Variants in ABTB3 observed in about 807,000 individuals in gnomAD.
ABTB3 encodes ankyrin repeat and BTB domain containing 3.
chr12:107,621,124 T>TC, the ABTB3 span, among the ~76,000 whole-genome samples: 2 of 152,194 alleles, frequency 1.3e-5, no homozygotes, highest in South Asian at 4.1e-4. Context: ...CAACACAGCA[T>TC]CTCTGCTTTC....
At chr12:107,490,174 G>A in the ABTB3 span, among the ~76,000 whole-genome samples, 2 of 152,088 alleles carry the variant, frequency 1.3e-5, no homozygotes, top group Non-Finnish European at 2.9e-5. Flanking sequence ...AATGTGCACT[G>A]GCTGTTGTTT....
the ABTB3 span, among the ~76,000 whole-genome samples, chr12:107,610,565 T>C: frequency 6.6e-6 from 1 of 152,196 alleles, no homozygotes; most frequent in Non-Finnish European, 1.5e-5. Flanking sequence ...AAGTAGCACA[T>C]GATCATTGCA....
the ABTB3 span, among the ~76,000 whole-genome samples, chr12:107,415,030 C>T: frequency 1.3e-5 from 2 of 152,044 alleles, no homozygotes; most frequent in Admixed American, 1.3e-4. Flanking sequence ...ACCATCTTAT[C>T]CCACGCAGAC....
chr12:107,544,138 AG>A, the ABTB3 span: 1 of 1,613,814 alleles, frequency 6.2e-7, no homozygotes. Context: ...CCAGGTGGAA[AG>A]GTAAGAACTG....
chr12:107,509,815 T>A, the ABTB3 span, among the ~76,000 whole-genome samples: 3 of 152,246 alleles, frequency 2.0e-5, no homozygotes, highest in Admixed American at 2.0e-4. Context: ...CATTTCTTAA[T>A]CTGATAATTT....
chr12:107,499,543 G>A, the ABTB3 span, among the ~76,000 whole-genome samples: 1 of 152,104 alleles, frequency 6.6e-6, no homozygotes, highest in African/African-American at 2.4e-5. Context: ...CTAAGACTGA[G>A]TAATTTATGA....
chr12:107,423,149 G>C, the ABTB3 span, among the ~76,000 whole-genome samples: 1 of 152,140 alleles, frequency 6.6e-6, no homozygotes, highest in Non-Finnish European at 1.5e-5. Context: ...TGCATTACTA[G>C]GAGGGAGAAA....
At chr12:107,531,548 G>A in the ABTB3 span, among the ~76,000 whole-genome samples, 1 of 152,048 alleles carries the variant, frequency 6.6e-6, no homozygotes, top group Non-Finnish European at 1.5e-5. Flanking sequence ...ATCCAGCAAT[G>A]TCTCCGTTCC....
At chr12:107,399,553 A>T in the ABTB3 span, among the ~76,000 whole-genome samples, 1 of 152,206 alleles carries the variant, frequency 6.6e-6, no homozygotes, top group Admixed American at 6.5e-5. Flanking sequence ...GCATGAGCTC[A>T]TTGACTGAAA....
At chr12:107,434,876 A>C in the ABTB3 span, among the ~76,000 whole-genome samples, 2 of 151,950 alleles carry the variant, frequency 1.3e-5, no homozygotes, top group Admixed American at 1.3e-4. Flanking sequence ...TGGGAAAAAA[A>C]AAAAACAACA....
chr12:107,319,862 A>G, the ABTB3 span: 2 of 1,222,520 alleles, frequency 1.6e-6, no homozygotes, highest in Non-Finnish European at 2.1e-6. Context: ...CAGCAGCGCC[A>G]GCGGGGGCAG....
chr12:107,651,622 C>T, the ABTB3 span: 2 of 1,322,320 alleles, frequency 1.5e-6, no homozygotes, highest in Non-Finnish European at 2.2e-6. Context: ...TTATTGTTAC[C>T]TCCTTTCCAT....
the ABTB3 span, among the ~76,000 whole-genome samples, chr12:107,349,815 A>C: frequency 7.4e-4 from 112 of 152,364 alleles, no homozygotes; most frequent in Non-Finnish European, 1.1e-3. Context: ...TTAATTTAAA[A>C]AATGCCTTTC....
At chr12:107,424,402 T>G in the ABTB3 span, among the ~76,000 whole-genome samples, 4 of 152,340 alleles carry the variant, frequency 2.6e-5, no homozygotes, top group African/African-American at 9.6e-5. Flanking sequence ...AGGCCCATAT[T>G]CCTTCTCCCT....
the ABTB3 span, among the ~76,000 whole-genome samples, chr12:107,340,750 C>A: frequency 0.31 from 47,289 of 152,062 alleles, 8,130 homozygotes; most frequent in African/African-American, 0.46. Context: ...AACAAACAAA[C>A]CCTCCTGGGA....
chr12:107,481,821 C>T, the ABTB3 span, among the ~76,000 whole-genome samples: 5 of 147,996 alleles, frequency 3.4e-5, no homozygotes, highest in East Asian at 2.0e-4. Flanking sequence ...GTCTTGGAAG[C>T]GAGATGATGG....
At chr12:107,608,488 C>A in the ABTB3 span, among the ~76,000 whole-genome samples, 1 of 152,190 alleles carries the variant, frequency 6.6e-6, no homozygotes, top group African/African-American at 2.4e-5. Flanking sequence ...CATGTTTACC[C>A]TCACACAACC....
chr12:107,348,771 C>A, the ABTB3 span, among the ~76,000 whole-genome samples: 1 of 152,130 alleles, frequency 6.6e-6, no homozygotes, highest in East Asian at 1.9e-4. Flanking sequence ...GTGACAGAGA[C>A]CAGCAATAAA....
the ABTB3 span, among the ~76,000 whole-genome samples, chr12:107,443,217 T>C: frequency 6.6e-6 from 1 of 152,082 alleles, no homozygotes; most frequent in Non-Finnish European, 1.5e-5. Context: ...GGGATGCATT[T>C]GCTCAGAAGG....
Sources: allele counts gnomAD v4.1 joint callset (sites outside exome capture counted in the v4.1 genomes callset), GRCh38; gene constraint gnomAD v4.1.1; transcripts MANE v1.5; gene names NCBI Gene and HGNC (gene_info 2026-07-23, HGNC 2026-07-21).